NRG3: variants seen among roughly 807,000 people sequenced by gnomAD.
NRG3 encodes pro-neuregulin-3, membrane-bound isoform.
A neutral mutation model predicts 66.9 loss-of-function variants in NRG3; 31 were observed. That is an observed-to-expected ratio of 0.46 (90% CI 0.35 to 0.63). NRG3 has a LOEUF of 0.63. NRG3 is among the 20% of genes least tolerant of loss of function. The pLI is 0.00. For synonymous variants in NRG3, 393 were observed against 359.4 expected (o/e 1.09, Z -1.06); for missense variants, 910 against 878.9 (o/e 1.04, Z -0.45).
intron 4 of NRG3, among the ~76,000 whole-genome samples, chr10:82,934,068 G>A (rs948646392): frequency 1.1e-4 from 16 of 152,242 alleles, no homozygotes; most frequent in African/African-American, 3.9e-4. Flanking sequence ...TCCTGAGAGG[G>A]GAAATTCCTT....
At chr10:82,311,414 A>G (rs942831260) in intron 1 of NRG3, among the ~76,000 whole-genome samples, 4 of 152,178 alleles carry the variant, frequency 2.6e-5, no homozygotes, top group Non-Finnish European at 5.9e-5. Context: ...CTCCACCTGT[A>G]TAGAGATAGT....
At chr10:82,796,919 A>C (rs941001094) in intron 3 of NRG3, among the ~76,000 whole-genome samples, 1 of 152,188 alleles carries the variant, frequency 6.6e-6, no homozygotes, top group Non-Finnish European at 1.5e-5. Context: ...TATGCCATAA[A>C]GCTAGTCCCA....
chr10:82,461,262 T>C (rs925082676), intron 2 of NRG3, among the ~76,000 whole-genome samples: 1 of 151,102 alleles, frequency 6.6e-6, no homozygotes, highest in Non-Finnish European at 1.5e-5. Context: ...ACCACCACCA[T>C]CGACACCATC....
intron 1 of NRG3, among the ~76,000 whole-genome samples, chr10:82,313,179 A>AT (rs2081122240): frequency 1.3e-5 from 2 of 151,950 alleles, no homozygotes; most frequent in South Asian, 4.2e-4. Context: ...TCTCAAAAAA[A>AT]CAAAAAAATT....
chr10:81,984,972 T>A (rs893750433), intron 1 of NRG3, among the ~76,000 whole-genome samples: 5 of 152,182 alleles, frequency 3.3e-5, no homozygotes, highest in African/African-American at 1.2e-4. Context: ...TTAGAGGAGA[T>A]ATGTTACAAT....
chr10:82,430,304 C>T (rs2136315983), intron 2 of NRG3, among the ~76,000 whole-genome samples: 1 of 152,106 alleles, frequency 6.6e-6, no homozygotes, highest in African/African-American at 2.4e-5. Context: ...GTCACCCAGG[C>T]TGGAGTGCAG....
chr10:82,970,322 A>T (rs1408772466), intron 6 of NRG3, among the ~76,000 whole-genome samples: 2 of 152,130 alleles, frequency 1.3e-5, no homozygotes, highest in Non-Finnish European at 2.9e-5. Context: ...TTTTAAAGGC[A>T]GAGTCTTGTT....
intron 2 of NRG3, among the ~76,000 whole-genome samples, chr10:82,452,384 A>G (rs757163613): frequency 8.5e-5 from 13 of 152,228 alleles, no homozygotes; most frequent in East Asian, 1.9e-4. Flanking sequence ...GTAAAAATCT[A>G]TAAGATTTAC....
At chr10:82,832,066 T>C (rs888447280) in intron 3 of NRG3, among the ~76,000 whole-genome samples, 3 of 152,192 alleles carry the variant, frequency 2.0e-5, no homozygotes, top group African/African-American at 7.2e-5. Context: ...TTTTCTCACT[T>C]TGCATCACAT....
intron 1 of NRG3, among the ~76,000 whole-genome samples, chr10:82,297,156 C>T (rs1040007698): frequency 1.3e-5 from 2 of 152,118 alleles, no homozygotes; most frequent in African/African-American, 4.8e-5. Flanking sequence ...TCTATATGTA[C>T]CACAGTTTCT....
intron 1 of NRG3, among the ~76,000 whole-genome samples, chr10:82,117,858 A>G (rs1363363086): frequency 6.6e-6 from 1 of 152,128 alleles, no homozygotes; most frequent in Admixed American, 6.6e-5. Context: ...ATTTGTTGCC[A>G]TTTGTTTTCA....
chr10:82,073,974 G>A (rs1403762766), intron 1 of NRG3, among the ~76,000 whole-genome samples: 1 of 151,754 alleles, frequency 6.6e-6, no homozygotes, highest in Non-Finnish European at 1.5e-5. Flanking sequence ...GGCAAAACCA[G>A]ACAATCAATA....
intron 1 of NRG3, among the ~76,000 whole-genome samples, chr10:81,945,521 T>C (rs778648579): frequency 2.0e-5 from 3 of 152,160 alleles, no homozygotes; most frequent in Non-Finnish European, 4.4e-5. Context: ...GTCATTGGCA[T>C]TTCATAGAAC....
chr10:82,402,279 T>A (rs1459627682), intron 2 of NRG3, among the ~76,000 whole-genome samples: 1 of 152,112 alleles, frequency 6.6e-6, no homozygotes, highest in Admixed American at 6.6e-5. Flanking sequence ...AAATAGAATG[T>A]CACTTCTGTT....
intron 2 of NRG3, among the ~76,000 whole-genome samples, chr10:82,485,346 G>A (rs1220878750): frequency 6.6e-6 from 1 of 151,598 alleles, no homozygotes; most frequent in Non-Finnish European, 1.5e-5. Context: ...TATACAAATT[G>A]ATAATGATGT....
intron 1 of NRG3, among the ~76,000 whole-genome samples, chr10:81,952,200 C>T (rs1197629394): frequency 2.0e-5 from 3 of 152,104 alleles, no homozygotes; most frequent in East Asian, 1.9e-4. Flanking sequence ...ATGTAACTAA[C>T]CTGCACGTTG....
At chr10:82,240,029 G>T (rs1279796764) in intron 1 of NRG3, among the ~76,000 whole-genome samples, 1 of 151,784 alleles carries the variant, frequency 6.6e-6, no homozygotes, top group Non-Finnish European at 1.5e-5. Flanking sequence ...TGCCTGTTTT[G>T]AATCTGATCA....
chr10:82,572,993 C>G (rs1382073924), intron 2 of NRG3, among the ~76,000 whole-genome samples: 1 of 151,776 alleles, frequency 6.6e-6, no homozygotes, highest in Non-Finnish European at 1.5e-5. Context: ...TCTCATCAGA[C>G]AAGCAGCTGC....
chr10:82,866,692 C>T (rs553211566), intron 4 of NRG3, among the ~76,000 whole-genome samples: 5 of 152,038 alleles, frequency 3.3e-5, no homozygotes, highest in Non-Finnish European at 7.4e-5. Flanking sequence ...GAAGAATGAC[C>T]GTTTCAATGA....
Sources: allele counts gnomAD v4.1 joint callset (sites outside exome capture counted in the v4.1 genomes callset), GRCh38; gene constraint gnomAD v4.1.1; transcripts MANE v1.5; gene names NCBI Gene and HGNC (gene_info 2026-07-23, HGNC 2026-07-21).